The following CSMD1 variants were observed in gnomAD, a reference collection of about 807,000 sequenced individuals.
CSMD1 encodes CUB and sushi domain-containing protein 1.
In CSMD1, 213 loss-of-function variants were observed where a neutral mutation model predicts 417.5. The observed-to-expected ratio is 0.51, with a 90% confidence interval of 0.46 to 0.57. The LOEUF is 0.57. Ranked by LOEUF, CSMD1 falls within the 20% of genes least tolerant of loss-of-function variation. CSMD1 has a pLI of 0.00. For synonymous variants in CSMD1, 2,862 were observed against 1,736.8 expected, an observed-to-expected ratio of 1.65 and a Z score of -16.11; for missense variants, 6,923 against 4,529.7, an observed-to-expected ratio of 1.53 and a Z score of -15.17.
chr8:4,795,897 C>G (rs955682068), intron 1 of CSMD1, among the ~76,000 whole-genome samples: 2 of 152,162 alleles, frequency 1.3e-5, no homozygotes. Flanking sequence ...TTAAGGTAGA[C>G]TGAAAATATT....
At chr8:4,549,558 C>G (rs1797774135) in intron 2 of CSMD1, among the ~76,000 whole-genome samples, 1 of 152,058 alleles carries the variant, frequency 6.6e-6, no homozygotes, top group African/African-American at 2.4e-5. Flanking sequence ...TGTGCACAGC[C>G]TCCCGCATTA....
At chr8:3,266,532 G>A (rs1418875862) in intron 26 of CSMD1, among the ~76,000 whole-genome samples, 4 of 150,248 alleles carry the variant, frequency 2.7e-5, no homozygotes, top group African/African-American at 7.4e-5. Context: ...CTTGAACCCA[G>A]GAGGCAGAGG....
chr8:3,164,227 G>A (rs1820075224), intron 37 of CSMD1, among the ~76,000 whole-genome samples: 1 of 152,208 alleles, frequency 6.6e-6, no homozygotes, highest in Non-Finnish European at 1.5e-5. Flanking sequence ...GTTGAGTAAT[G>A]TCAGGCCACA....
chr8:4,118,169 T>C (rs1308410233), intron 3 of CSMD1, among the ~76,000 whole-genome samples: 1 of 151,968 alleles, frequency 6.6e-6, no homozygotes, highest in Non-Finnish European at 1.5e-5. Flanking sequence ...CAGAGGGGTG[T>C]GTTGGTACAT....
intron 3 of CSMD1, among the ~76,000 whole-genome samples, chr8:4,414,742 G>C (rs1231375381): frequency 1.3e-5 from 2 of 152,158 alleles, no homozygotes; most frequent in African/African-American, 4.8e-5. Flanking sequence ...TTGTGGTTGA[G>C]TTCAGATTTT....
rs576807688 is a variant in CSMD1, at chr8:3,165,304, A to C, written c.5726-3027T>G. 6.2e-4 allele frequency among the ~76,000 whole-genome samples: 94 copies of C among 152,300 alleles called. 1 individual carries two copies. Among genetic ancestry groups the C allele is most frequent in the African/African-American group, 2.2e-3 (92 of 41,580 alleles). On this transcript the variant is annotated intron_variant, in intron 37 of 69. Transcript: ENST00000635120. ...ACAAAGTGCATAAGCGATTGATATGATCAGAGCCCAAGTATTTTCCATACT... is the reference window on the plus strand; with the variant it reads ...ACAAAGTGCATAAGCGATTGATATGCTCAGAGCCCAAGTATTTTCCATACT...
intron 3 of CSMD1, among the ~76,000 whole-genome samples, chr8:4,041,017 CT>C (rs36145371): frequency 0.052 from 5,220 of 100,152 alleles, 290 homozygotes; most frequent in African/African-American, 0.15. Context: ...TTTTTTTTTC[CT>C]TTTTTTTTTT....
chr8:3,597,470 C>T (rs17066529), intron 8 of CSMD1, among the ~76,000 whole-genome samples: 5,516 of 152,064 alleles, frequency 0.036, 238 homozygotes, highest in East Asian at 0.13. Flanking sequence ...TTCAGGTCAC[C>T]AGGCTATTAA....
chr8:3,745,999 C>A (rs1797049137), intron 6 of CSMD1, among the ~76,000 whole-genome samples: 2 of 152,214 alleles, frequency 1.3e-5, no homozygotes, highest in African/African-American at 4.8e-5. Context: ...TGGACAACTT[C>A]CTCACATGTA....
chr8:4,671,903 T>G (rs1018832974), intron 1 of CSMD1, among the ~76,000 whole-genome samples: 1 of 152,160 alleles, frequency 6.6e-6, no homozygotes, highest in Non-Finnish European at 1.5e-5. Flanking sequence ...TCCACTAAGT[T>G]GCCAAGCATG....
chr8:2,938,709 C>G lies in CSMD1; in HGVS notation c.10571G>C (p.Gly3524Ala). Residue 3524 changes from glycine to alanine, a missense_variant, in exon 70 of 70, where the codon GGG becomes GCG. By Grantham distance (60) the Gly-to-Ala change is moderately conservative. Transcript: ENST00000635120. Reference protein sequence around the residue: ...RPKVQYNGYAGHENSNGQASF... With the variant: ...RPKVQYNGYAAHENSNGQASF... ...TGCTTGTCCATTGCTGTTTTCATGC[C>G]CAGCATAGCCATTGTATTGAACTTT... 1 of 1,611,104 alleles carries G rather than the reference C, an allele frequency of 6.2e-7. No homozygotes were observed. The highest frequency in any genetic ancestry group is 8.5e-7 in the Non-Finnish European group (1 of 1,178,546).
intron 3 of CSMD1, among the ~76,000 whole-genome samples, chr8:4,347,416 A>G (rs751798277): frequency 7.2e-5 from 11 of 152,158 alleles, no homozygotes; most frequent in Non-Finnish European, 1.5e-4. Flanking sequence ...AATAGGTAAC[A>G]TTACTTAAAT....
intron 25 of CSMD1, among the ~76,000 whole-genome samples, chr8:3,290,957 G>A (rs112347549): frequency 6.6e-6 from 1 of 152,112 alleles, no homozygotes; most frequent in South Asian, 2.1e-4. Context: ...TATTGGCTGT[G>A]GGTTTGTCAT....
chr8:4,669,370 G>C (rs1327170445), intron 1 of CSMD1, among the ~76,000 whole-genome samples: 1 of 152,186 alleles, frequency 6.6e-6, no homozygotes, highest in African/African-American at 2.4e-5. Context: ...ATTTCTCGAT[G>C]AGATTTTTGG....
At chr8:3,996,218 C>G (rs1396264807) in intron 5 of CSMD1, among the ~76,000 whole-genome samples, 2 of 152,178 alleles carry the variant, frequency 1.3e-5, no homozygotes, top group Admixed American at 6.5e-5. Flanking sequence ...ATCTTACTAG[C>G]AAGGTGTGCA....
rs1797505816 is a variant in CSMD1, at chr8:4,167,220, CT to C, written c.416-135122del. Among the ~76,000 whole-genome samples the C allele has an allele frequency of 2.0e-5, 3 of 152,070 alleles. 1 individual carries two copies. The highest frequency in any genetic ancestry group is 3.4e-3 in the Middle Eastern group (1 of 294). ...GGCCTGTATTTTAACTTGGAAAATC[CT>C]GATTTTAGGGAAGGAGTGTCTTCGA... On this transcript the variant is annotated intron_variant, in intron 3 of 69. Transcript: ENST00000635120.
At chr8:4,668,781 TAATCCCTC>T (rs1337773397) in intron 1 of CSMD1, among the ~76,000 whole-genome samples, 1 of 152,156 alleles carries the variant, frequency 6.6e-6, no homozygotes, top group Non-Finnish European at 1.5e-5. Context: ...TTCTCTTCCT[TAATCCCTC>T]AATGAAGTGC....
intron 7 of CSMD1, among the ~76,000 whole-genome samples, chr8:3,693,958 GGT>G (rs1197322797): frequency 2.7e-5 from 4 of 150,544 alleles, no homozygotes; most frequent in South Asian, 2.1e-4. Flanking sequence ...TGGATATAGG[GGT>G]GTGTGTGTGT....
At chr8:3,626,069 G>T (rs954206354) in intron 7 of CSMD1, among the ~76,000 whole-genome samples, 1 of 152,164 alleles carries the variant, frequency 6.6e-6, no homozygotes, top group African/African-American at 2.4e-5. Context: ...TTTTATAAGA[G>T]CCTGGAGAAT....
Sources: allele counts gnomAD v4.1 joint callset (sites outside exome capture counted in the v4.1 genomes callset), GRCh38; gene constraint gnomAD v4.1.1; transcripts MANE v1.5; gene names NCBI Gene and HGNC (gene_info 2026-07-23, HGNC 2026-07-21).